The following NDST1 variants were observed in gnomAD, a reference collection of about 807,000 sequenced individuals.
NDST1 encodes the protein bifunctional heparan sulfate N-deacetylase/N-sulfotransferase 1.
NDST1 carries 35 observed loss-of-function variants against 92.8 expected under a neutral mutation model. The observed-to-expected ratio is 0.38, with a 90% CI of 0.29 to 0.50. NDST1 has a LOEUF of 0.50. Among genes scored for constraint, NDST1 ranks in the 20% least tolerant of loss-of-function variants. The probability of loss-of-function intolerance (pLI) is 0.94; values close to 1 mark genes in which losing one functional copy is unlikely to be tolerated. For missense variants in NDST1, 822 were observed against 1,182.7 expected, an observed-to-expected ratio of 0.69 and a Z score of 4.47; for synonymous variants, 493 against 500.3, an observed-to-expected ratio of 0.99 and a Z score of 0.19.
chr5:150,553,910 C>T lies in NDST1; in HGVS notation c.*578C>T, dbSNP rs935091731. 9.4e-6 allele frequency: 4 copies of T among 424,266 alleles called. No individual in the cohort carries two copies. The Admixed American group carries it at 1.5e-4, about 16-fold the overall frequency. The allele number at this position is 424,266 out of a possible 1,614,324, so 26.3% of individuals were successfully genotyped here. A position where few individuals can be genotyped will look rare whatever the true frequency, so the allele number is the denominator to read the frequency against. On this transcript the variant is annotated 3_prime_UTR_variant, in exon 15 of 15. Transcript: ENST00000261797. The surrounding 1 kb of genome is among the most constrained non-coding windows in gnomAD (Gnocchi z 4.2). ...GGTTCCTACCTTCACATCTCACCCT[C>T]CCGTTCTGGGGAAGAATTTCTGGTT... is the stretch of plus-strand genomic sequence containing the variant.
intron 8 of NDST1, among the ~76,000 whole-genome samples, 195 bp from the exon 9 acceptor site, chr5:150,541,374 TG>T (rs1401101795): frequency 1.3e-5 from 2 of 152,112 alleles, no homozygotes; most frequent in African/African-American, 2.4e-5. Context: ...GCGAGCTCTT[TG>T]GGGGACATGA....
chr5:150,532,571 G>C (rs1362956583), intron 3 of NDST1, among the ~76,000 whole-genome samples: 2 of 152,066 alleles, frequency 1.3e-5, no homozygotes, highest in African/African-American at 2.4e-5. Flanking sequence ...AGGCTGGAGT[G>C]ATCTTGGCTC....
At chr5:150,532,549 G>A (rs1434782632) in intron 3 of NDST1, among the ~76,000 whole-genome samples, 4 of 151,834 alleles carry the variant, frequency 2.6e-5, no homozygotes, top group Admixed American at 6.6e-5. Context: ...ACGGAATCTC[G>A]CTCTGTCACC....
Position 150,521,581 on chromosome 5 carries a change from C to T in NDST1, c.327C>T (p.Phe109=). The change falls in exon 2 of 15, where the codon TTC becomes TTT. Residue 109 remains phenylalanine, a synonymous_variant. Coordinates refer to ENST00000261797, the MANE Select transcript of NDST1 (RefSeq NM_001543.5). The surrounding 1 kb of genome is among the most constrained non-coding windows in gnomAD (Gnocchi z 5.9). ...EVVAILESSR[F]KYRTEIAPGK... Reference sequence around the variant, plus strand: ...TGGCCATCCTGGAGTCCAGCCGCTTCAAATACCGCACAGAGATTGCGCCGG... The same window carrying T: ...TGGCCATCCTGGAGTCCAGCCGCTTTAAATACCGCACAGAGATTGCGCCGG... The T allele has an allele frequency of 6.2e-7, 1 of 1,614,036 alleles. No individual in the cohort carries two copies. Among genetic ancestry groups the T allele is most frequent in the Non-Finnish European group, 8.5e-7 (1 of 1,180,030 alleles).
intron 1 of NDST1, among the ~76,000 whole-genome samples, chr5:150,498,630 C>T (rs1753098238): frequency 6.6e-6 from 1 of 152,192 alleles, no homozygotes; most frequent in South Asian, 2.1e-4. Context: ...CCGGGTCTGG[C>T]CAGGCAGGGC....
intron 1 of NDST1, among the ~76,000 whole-genome samples, chr5:150,513,753 C>A (rs952875665): frequency 2.6e-5 from 4 of 152,234 alleles, no homozygotes; most frequent in Non-Finnish European, 5.9e-5. Context: ...CCAAGCCGGA[C>A]CCCCTTCCCT....
At chr5:150,523,144 G>A (rs1754316448) in intron 2 of NDST1, among the ~76,000 whole-genome samples, 1 of 152,224 alleles carries the variant, frequency 6.6e-6, no homozygotes, top group South Asian at 2.1e-4. Context: ...GCCCTTAGAA[G>A]TCCTGCAGTA....
upstream of NDST1, among the ~76,000 whole-genome samples, chr5:150,505,291 C>T (rs1753401158): frequency 6.6e-6 from 1 of 152,132 alleles, no homozygotes; most frequent in African/African-American, 2.4e-5. Flanking sequence ...TCACATTAGC[C>T]CCGGCATTAT....
At chr5:150,517,523 C>T (rs34841899) in intron 1 of NDST1, among the ~76,000 whole-genome samples, 30,371 of 152,044 alleles carry the variant, frequency 0.2, 3,665 homozygotes, top group Non-Finnish European at 0.27. Flanking sequence ...TTCGGGTTCA[C>T]CTCTGGTAGT....
At chr5:150,511,817 G>A (rs1187385425) in intron 1 of NDST1, among the ~76,000 whole-genome samples, 2 of 152,098 alleles carry the variant, frequency 1.3e-5, no homozygotes, top group Non-Finnish European at 2.9e-5. Context: ...ATGTAATCAC[G>A]CTGGAGAAAC....
intron 1 of NDST1, among the ~76,000 whole-genome samples, chr5:150,519,353 T>TGA: frequency 6.6e-6 from 1 of 152,280 alleles, no homozygotes; most frequent in East Asian, 1.9e-4. Context: ...CCCTGGCTCT[T>TGA]ACACCTTCCA....
At chr5:150,538,999 C>T (rs1362059550) in intron 6 of NDST1, among the ~76,000 whole-genome samples, 1 of 152,192 alleles carries the variant, frequency 6.6e-6, no homozygotes, top group East Asian at 1.9e-4. Context: ...TACTTTGAGG[C>T]CTGCTCATTT....
At chr5:150,498,045 G>C (rs544891825) in exon 1 of NDST1, 1 of 152,798 alleles carries the variant, frequency 6.5e-6, no homozygotes, top group South Asian at 2.1e-4. Flanking sequence ...GGTTTCATCA[G>C]ATCATCAGAA....
At chr5:150,532,836 T>A (rs550127118) in intron 3 of NDST1, 109 bp from the exon 4 acceptor site, 2 of 1,035,186 alleles carry the variant, frequency 1.9e-6, no homozygotes, top group African/African-American at 3.1e-5. Context: ...TTGACATTCT[T>A]TATAATTTTT....
At position 150,520,989 on chromosome 5, in the gene NDST1, G is replaced by A. The variant is rs375464418; in HGVS notation, c.-266G>A. The A allele has an allele frequency of 1.9e-5, 11 of 592,844 alleles. No homozygotes were observed. In the African/African-American group the frequency reaches 2.0e-4, roughly 11 times the overall value. 36.7% of individuals were successfully genotyped at this position (592,844 alleles called of 1,614,324 possible). ...TGACGCCCTGGGGCACTTCTGCTCT[G>A]CACAGGACCACGCGGGGGTTTGCCA... is the stretch of plus-strand genomic sequence containing the variant. On this transcript the variant is annotated 5_prime_UTR_variant, in exon 2 of 15. Coordinates refer to ENST00000261797, the MANE Select transcript of NDST1 (RefSeq NM_001543.5).
rs888341264 is a variant in NDST1, at chr5:150,534,767, T to C, written c.1097-100T>C. The C allele has an allele frequency of 1.0e-5, 15 of 1,473,034 alleles. No homozygotes were observed. In the Admixed American group the frequency reaches 2.0e-4, roughly 20 times the overall value. The allele number at this position is 1,473,034 out of a possible 1,614,324, so 91.2% of individuals were successfully genotyped here. On this transcript the variant is annotated intron_variant, in intron 4 of 14. Transcript: ENST00000261797. ...CCAGATAACTCTTCCAGGCAGCTCC[T>C]GGGTGGGCTCTGGCCATGCTCTCCC...
In NDST1 at chr5:150,527,943, G is replaced by A. The variant is rs763682949; in HGVS notation, c.653G>A (p.Gly218Asp). The A allele has an allele frequency of 3.7e-6, 6 of 1,614,066 alleles. No homozygotes were observed. The highest frequency in any genetic ancestry group is 4.2e-6 in the Non-Finnish European group (5 of 1,179,966). Residue 218 changes from glycine to aspartate, a missense_variant, in exon 3 of 15, where the codon GGT (glycine) becomes GAT (aspartate). Transcript: ENST00000261797. ...YVTRPSEVEK[G>D]VLPGEDWTVF... ...ACGCGACCTAGCGAGGTGGAGAAAG[G>A]TGTGCTCCCCGGCGAGGACTGGACG...
At position 150,553,686 on chromosome 5, in the gene NDST1, G is replaced by C. The variant is rs569236874; in HGVS notation, c.*354G>C. ...TCGTCACCCATCACTCCCTGCTTCCGCAGGGCGCCCCTCAGTATTCGCTGC... is the reference window on the plus strand; with the variant it reads ...TCGTCACCCATCACTCCCTGCTTCCCCAGGGCGCCCCTCAGTATTCGCTGC... On this transcript the variant is annotated 3_prime_UTR_variant, in exon 15 of 15. Coordinates refer to ENST00000261797, the MANE Select transcript of NDST1 (RefSeq NM_001543.5). The surrounding 1 kb of genome is among the most constrained non-coding windows in gnomAD (Gnocchi z 4.2). 1.2e-4 allele frequency: 49 copies of C among 411,616 alleles called. No individual in the cohort carries two copies. Among genetic ancestry groups the C allele is most frequent in the African/African-American group, 1.0e-3 (49 of 49,190 alleles). 25.5% of individuals were successfully genotyped at this position (411,616 alleles called of 1,614,324 possible).
At chr5:150,526,201 C>G (rs1266567830) in intron 2 of NDST1, among the ~76,000 whole-genome samples, 1 of 152,242 alleles carries the variant, frequency 6.6e-6, no homozygotes, top group East Asian at 1.9e-4. Flanking sequence ...CCTGAGCCCA[C>G]TAACTGTGCC....
Sources: allele counts gnomAD v4.1 joint callset (sites outside exome capture counted in the v4.1 genomes callset), GRCh38; gene constraint gnomAD v4.1.1; non-coding constraint Gnocchi (gnomAD v3.1); transcripts MANE v1.5; gene names NCBI Gene and HGNC (gene_info 2026-07-23, HGNC 2026-07-21).